ATP2B2: variants seen among roughly 807,000 people sequenced by gnomAD.
The protein encoded by ATP2B2 is plasma membrane calcium-transporting ATPase 2.
In ATP2B2, 15 loss-of-function variants were observed where a neutral mutation model predicts 120.0. That is an observed-to-expected ratio of 0.12 (90% CI 0.08 to 0.19). ATP2B2 has a LOEUF of 0.19. Among genes scored for constraint, ATP2B2 ranks in the 10% least tolerant of loss-of-function variants. ATP2B2 has a pLI of 1.00. For synonymous variants in ATP2B2, 694 were observed against 700.3 expected (o/e 0.99, Z 0.14); for missense variants, 1,045 against 1,719.8 (o/e 0.61, Z 6.94).
chr3:10,365,524 G>A (rs1402212215), intron 12 of ATP2B2, among the ~76,000 whole-genome samples: 1 of 152,102 alleles, frequency 6.6e-6, no homozygotes, highest in Non-Finnish European at 1.5e-5. Context: ...AAGCCCCCTG[G>A]AATGCAGAGG....
At chr3:10,648,906 T>G (rs1342427147) in intron 1 of ATP2B2, among the ~76,000 whole-genome samples, 1 of 152,214 alleles carries the variant, frequency 6.6e-6, no homozygotes, top group East Asian at 1.9e-4. Context: ...TGAGTCTTCT[T>G]GCATCCTCTC....
rs148778414 is a variant in ATP2B2, at chr3:10,463,650, T to C, written c.-319-13788A>G. 5.4e-3 allele frequency among the ~76,000 whole-genome samples: 820 copies of C among 152,304 alleles called. 10 individuals are homozygous for C. The highest frequency in any genetic ancestry group is 0.018 in the African/African-American group (762 of 41,566). On this transcript the variant is annotated intron_variant, in intron 1 of 22. Transcript: ENST00000360273. ...GAGCCCCTGCTCTGGATCACAGTGT[T>C]ACACAGTGGCCCCTCAGGCAGTGGA...
chr3:10,670,476 G>A (rs922346416), intron 1 of ATP2B2, among the ~76,000 whole-genome samples: 1 of 152,128 alleles, frequency 6.6e-6, no homozygotes, highest in African/African-American at 2.4e-5. Flanking sequence ...GGAATGCAGT[G>A]GTGTGATCTT....
intron 1 of ATP2B2, among the ~76,000 whole-genome samples, chr3:10,487,008 G>A (rs1035423270): frequency 1.1e-4 from 16 of 152,152 alleles, no homozygotes; most frequent in South Asian, 4.1e-4. Flanking sequence ...GATTACAGGC[G>A]TGAGCCATTG....
At chr3:10,680,520 G>A (rs1400564790) in intron 1 of ATP2B2, among the ~76,000 whole-genome samples, 1 of 152,140 alleles carries the variant, frequency 6.6e-6, no homozygotes, top group Non-Finnish European at 1.5e-5. Context: ...GTGACCTTGG[G>A]CAGGCCATCG....
At chr3:10,380,059 C>G (rs1045485415) in intron 8 of ATP2B2, among the ~76,000 whole-genome samples, 22 of 152,158 alleles carry the variant, frequency 1.4e-4, no homozygotes. Flanking sequence ...GGGTGCTGAC[C>G]CCTTGGTAGG....
At chr3:10,462,469 C>G (rs2064533395) in intron 1 of ATP2B2, among the ~76,000 whole-genome samples, 1 of 152,232 alleles carries the variant, frequency 6.6e-6, no homozygotes, top group African/African-American at 2.4e-5. Context: ...CATCCTCCTT[C>G]AGTGACCACA....
At chr3:10,489,401 G>C (rs2065850942) in intron 1 of ATP2B2, among the ~76,000 whole-genome samples, 1 of 152,208 alleles carries the variant, frequency 6.6e-6, no homozygotes. Flanking sequence ...ATGAGTGAAA[G>C]CTCCCCGCCC....
chr3:10,503,700 T>C (rs1158626754), intron 1 of ATP2B2, among the ~76,000 whole-genome samples: 5 of 152,268 alleles, frequency 3.3e-5, no homozygotes, highest in South Asian at 4.1e-4. Flanking sequence ...CAGCATGCCA[T>C]GTGCCTGCCA....
intron 12 of ATP2B2, among the ~76,000 whole-genome samples, chr3:10,366,118 T>C (rs945462363): frequency 6.6e-6 from 1 of 152,154 alleles, no homozygotes; most frequent in Non-Finnish European, 1.5e-5. Context: ...CCCTCTTGGC[T>C]TGGCAGGAGC....
intron 1 of ATP2B2, among the ~76,000 whole-genome samples, chr3:10,496,841 G>A (rs188662545): frequency 2.0e-5 from 3 of 152,366 alleles, no homozygotes; most frequent in African/African-American, 4.8e-5. Flanking sequence ...GTCACTTGAA[G>A]TGCTTGTCAT....
At chr3:10,439,941 A>G (rs1296473786) in intron 2 of ATP2B2, among the ~76,000 whole-genome samples, 1 of 151,508 alleles carries the variant, frequency 6.6e-6, no homozygotes, top group Non-Finnish European at 1.5e-5. Flanking sequence ...CCCTGTTTCT[A>G]CAAAAAAAAA....
chr3:10,437,252 T>C (rs2063506270), intron 2 of ATP2B2, among the ~76,000 whole-genome samples: 2 of 152,050 alleles, frequency 1.3e-5, no homozygotes, highest in African/African-American at 4.8e-5. Context: ...ATGATGATGA[T>C]GATAATGATA....
rs527452627 is a variant in ATP2B2 at position 10,624,676 on chromosome 3, A to T, written c.-459-4715T>A. 1.5e-3 allele frequency among the ~76,000 whole-genome samples: 222 copies of T among 152,354 alleles called. 2 individuals carry two copies. Among genetic ancestry groups the T allele is most frequent in the Non-Finnish European group, 2.5e-3 (172 of 68,030 alleles). On this transcript the variant is annotated intron_variant, in intron 1 of 21. Coordinates refer to the ATP2B2 transcript ENST00000646379. ...TGACCCTGCTTGTCAGTCAAACATC[A>T]GCCCTGGTGGAATGAATGAATGCAT...
At chr3:10,705,410 C>A (rs1048062819) in intron 1 of ATP2B2, among the ~76,000 whole-genome samples, 42 of 152,210 alleles carry the variant, frequency 2.8e-4, no homozygotes, top group African/African-American at 9.4e-4. Flanking sequence ...CACAGTCTGT[C>A]AAAGTCATAA....
chr3:10,585,308 A>G (rs1022551279), intron 2 of ATP2B2, among the ~76,000 whole-genome samples: 2 of 147,028 alleles, frequency 1.4e-5, no homozygotes, highest in African/African-American at 2.5e-5. Context: ...ATCCTGGCTA[A>G]CCAGGTGAAA....
At chr3:10,430,532 A>T (rs888460) in intron 2 of ATP2B2, among the ~76,000 whole-genome samples, 30,969 of 152,018 alleles carry the variant, frequency 0.2, 3,525 homozygotes, top group Admixed American at 0.29. Context: ...TAACTTGTTC[A>T]TTCATAAGAA....
At position 10,336,668 on chromosome 3, in the gene ATP2B2, C is replaced by T. The variant is rs117202011; in HGVS notation, c.3420+1508G>A. Among the ~76,000 whole-genome samples, 1,350 of 152,216 alleles carry T rather than the reference C, an allele frequency of 8.9e-3. 10 individuals carry two copies. The highest frequency in any genetic ancestry group is 0.037 in the Middle Eastern group (11 of 294). The stretch of plus-strand genomic sequence containing the variant: ...GGAGGTAGAGGGTGTGGTGGGGGTC[C>T]TGAGGTGGACAGAGCTTGGCCTAAA... On this transcript the variant is annotated intron_variant, in intron 22 of 22. Coordinates refer to ENST00000360273, the MANE Select transcript of ATP2B2 (RefSeq NM_001001331.4).
At chr3:10,629,357 T>A (rs182216405) in intron 1 of ATP2B2, among the ~76,000 whole-genome samples, 91 of 149,034 alleles carry the variant, frequency 6.1e-4, no homozygotes, top group Admixed American at 5.9e-3. Flanking sequence ...ATATACATTA[T>A]CTGGGTACAT....
Sources: gnomAD v4.1 joint callset for allele counts (sites outside exome capture counted in the v4.1 genomes callset) on GRCh38, gnomAD v4.1.1 for gene constraint, MANE v1.5 for transcripts, NCBI Gene and HGNC (gene_info 2026-07-23, HGNC 2026-07-21) for gene names.